Variants in PRUNE1 observed in about 807,000 individuals in gnomAD.
PRUNE1 encodes exopolyphosphatase PRUNE1.
A neutral mutation model predicts 42.5 loss-of-function variants in PRUNE1; 25 were observed. That is an observed-to-expected ratio of 0.59 (90% CI 0.43 to 0.82). The LOEUF (loss-of-function observed/expected upper bound fraction) is 0.82. Ranked by LOEUF, PRUNE1 falls within the 40% of genes least tolerant of loss-of-function variation. The pLI is 0.00. For missense variants in PRUNE1, 443 were observed against 539.3 expected, an observed-to-expected ratio of 0.82 and a Z score of 1.77; for synonymous variants, 203 against 217.1, an observed-to-expected ratio of 0.93 and a Z score of 0.57.
Position 151,034,539 on chromosome 1 carries a change from A to T in PRUNE1, c.*305A>T. ...GTCCCAGCACAGTGGGACAAAAAGA[A>T]TTTAGACCCCAAAAGTGTCCTCGGC... On this transcript the variant is annotated 3_prime_UTR_variant, in exon 8 of 8. Coordinates refer to ENST00000271620, the MANE Select transcript of PRUNE1 (RefSeq NM_021222.3). 3.0e-6 allele frequency: 1 copy of T among 328,840 alleles called. No homozygotes were observed. The highest frequency in any genetic ancestry group is 5.7e-6 in the Non-Finnish European group (1 of 175,348). 20.4% of individuals were successfully genotyped at this position (328,840 alleles called of 1,614,324 possible).
chr1:151,012,606 G>A (rs919085813), intron 1 of PRUNE1, among the ~76,000 whole-genome samples: 5 of 152,136 alleles, frequency 3.3e-5, no homozygotes, highest in African/African-American at 4.8e-5. Context: ...GGGTGTTCAG[G>A]AAGGCTTCAC....
At chr1:151,030,793 G>A (rs1204113550) in intron 7 of PRUNE1, among the ~76,000 whole-genome samples, 1 of 152,142 alleles carries the variant, frequency 6.6e-6, no homozygotes, top group Non-Finnish European at 1.5e-5. Context: ...GCCAAGAACT[G>A]CAGTTTTTAA....
At chr1:151,011,985 G>C (rs1673799243) in intron 1 of PRUNE1, among the ~76,000 whole-genome samples, 1 of 152,150 alleles carries the variant, frequency 6.6e-6, no homozygotes, top group East Asian at 1.9e-4. Context: ...CACCATGTTG[G>C]CCAGGATGGT....
intron 7 of PRUNE1, among the ~76,000 whole-genome samples, 188 bp downstream of exon 7, chr1:151,029,132 G>T (rs1675068478): frequency 7.0e-6 from 1 of 142,030 alleles, no homozygotes; most frequent in African/African-American, 3.0e-5. Context: ...CTCTCTATAT[G>T]AATATCCTTT....
chr1:151,027,393 C>A, intron 6 of PRUNE1, 66 bp downstream of exon 6: 2 of 1,137,964 alleles, frequency 1.8e-6, no homozygotes, highest in Non-Finnish European at 2.6e-6. Context: ...ATGCATGTGG[C>A]CTTGCACCTC....
rs756542737 is a variant in PRUNE1 at position 151,008,672 on chromosome 1, G to T, written c.39+1G>T. 4 of 1,613,974 alleles carry T rather than the reference G, an allele frequency of 2.5e-6. No individual in the cohort carries two copies. Among genetic ancestry groups the T allele is most frequent in the Admixed American group, 3.3e-5 (2 of 59,992 alleles). ...GCAGGGTTGTCGAGCTGCTCTGCAGGTAACGAATCCCTGTCTGTGACTGTA... is the reference window on the plus strand; with the variant it reads ...GCAGGGTTGTCGAGCTGCTCTGCAGTTAACGAATCCCTGTCTGTGACTGTA... On this transcript the variant is annotated splice_donor_variant, in intron 1 of 7. Coordinates refer to ENST00000271620, the MANE Select transcript of PRUNE1 (RefSeq NM_021222.3). LOFTEE classifies it high-confidence loss of function.
chr1:151,021,125 C>T (rs1192702733), intron 3 of PRUNE1, among the ~76,000 whole-genome samples: 3 of 141,552 alleles, frequency 2.1e-5, no homozygotes, highest in East Asian at 2.0e-4. Context: ...CCAGTCTGAG[C>T]GACAGAGTGA....
At chr1:151,023,485 C>T (rs11204760) in intron 3 of PRUNE1, among the ~76,000 whole-genome samples, 74,337 of 150,264 alleles carry the variant, frequency 0.49, 18,224 homozygotes, top group Middle Eastern at 0.64. Context: ...TTTGGGAGGC[C>T]GAGGCGGGCG....
At chr1:151,010,454 C>T (rs1284046292) in intron 1 of PRUNE1, among the ~76,000 whole-genome samples, 1 of 152,068 alleles carries the variant, frequency 6.6e-6, no homozygotes, top group East Asian at 1.9e-4. Context: ...GCTGGCATCT[C>T]GACCTTTCTC....
In PRUNE1 at chr1:151,034,085, C is replaced by A; in HGVS notation, c.1213C>A (p.Pro405Thr). ...ISGLSQDEED[P>T]PLPPTPMNSL... The stretch of plus-strand genomic sequence containing the variant: ...TGGCCTGAGTCAAGATGAGGAGGAC[C>A]CTCCGCTGCCCCCGACGCCCATGAA... Residue 405 changes from proline (P) to threonine (T), a missense_variant, in exon 8 of 8, where the codon CCT becomes ACT. Physicochemically the swap from Pro to Thr is conservative, Grantham distance 38 (BLOSUM62 -1). Transcript: ENST00000271620. 6.2e-7 allele frequency: 1 copy of A among 1,614,154 alleles called. No homozygotes were observed. Among genetic ancestry groups the A allele is most frequent in the Non-Finnish European group, 8.5e-7 (1 of 1,180,038 alleles).
intron 6 of PRUNE1, among the ~76,000 whole-genome samples, 166 bp downstream of exon 6, chr1:151,027,493 C>T (rs960380792): frequency 5.9e-5 from 9 of 152,054 alleles, no homozygotes; most frequent in Admixed American, 6.6e-5. Flanking sequence ...CTCACTGCAC[C>T]GCTGTATTAG....
intron 6 of PRUNE1, among the ~76,000 whole-genome samples, chr1:151,027,779 T>TGTGTGTGC: frequency 6.8e-6 from 1 of 147,734 alleles, no homozygotes; most frequent in South Asian, 2.2e-4. Flanking sequence ...TGTGTGTGTG[T>TGTGTGTGC]GTGCGCGCGC....
chr1:151,008,488 C>T lies in PRUNE1; in HGVS notation c.-145C>T, dbSNP rs968619373. On this transcript the variant is annotated 5_prime_UTR_variant, in exon 1 of 8. Transcript: ENST00000271620. Reference sequence around the variant, plus strand: ...TTCCTCCCGGGGTCGGAGGCCGATTCGCCGTGTGGCGGGTTCGAGTCCCGC... The same window carrying T: ...TTCCTCCCGGGGTCGGAGGCCGATTTGCCGTGTGGCGGGTTCGAGTCCCGC... 6 of 1,222,648 alleles carry T rather than the reference C, an allele frequency of 4.9e-6. No homozygotes were observed. The African/African-American group carries it at 7.5e-5, about 15-fold the overall frequency. 75.7% of individuals were successfully genotyped at this position (1,222,648 alleles called of 1,614,324 possible). A position where few individuals can be genotyped will look rare whatever the true frequency, so the allele number is the denominator to read the frequency against.
intron 3 of PRUNE1, chr1:151,022,873 G>A (rs924282657): frequency 6.6e-6 from 1 of 152,200 alleles, no homozygotes; most frequent in Non-Finnish European, 1.5e-5. Flanking sequence ...CTTGAAAGAG[G>A]ACTAGGTGTT....
At chr1:151,027,747 AGTGTGTGT>A (rs3034003) in intron 6 of PRUNE1, among the ~76,000 whole-genome samples, 5,948 of 130,926 alleles carry the variant, frequency 0.045, 401 homozygotes, top group African/African-American at 0.15. Flanking sequence ...ACACCTAACT[AGTGTGTGT>A]GTGTGTGTGT....
chr1:151,031,397 G>C (rs1441228072), intron 7 of PRUNE1, among the ~76,000 whole-genome samples: 1 of 151,858 alleles, frequency 6.6e-6, no homozygotes, highest in Admixed American at 6.6e-5. Flanking sequence ...ATGTTGCCCA[G>C]GCTGGTCTCG....
At chr1:151,010,237 C>T (rs1673685254) in intron 1 of PRUNE1, among the ~76,000 whole-genome samples, 1 of 152,056 alleles carries the variant, frequency 6.6e-6, no homozygotes, top group African/African-American at 2.4e-5. Flanking sequence ...GGCAGTGCCA[C>T]CACGCAGGGC....
chr1:151,029,195 T>TC (rs1385350121), intron 7 of PRUNE1, among the ~76,000 whole-genome samples: 3 of 151,522 alleles, frequency 2.0e-5, no homozygotes, highest in Non-Finnish European at 4.4e-5. Context: ...AAGGGGGAAT[T>TC]CCAAAGAGAA....
intron 1 of PRUNE1, among the ~76,000 whole-genome samples, chr1:151,013,313 C>T (rs1673896109): frequency 6.6e-6 from 1 of 152,172 alleles, no homozygotes; most frequent in Admixed American, 6.5e-5. Context: ...TGCTGCCTCC[C>T]TTGGTCACTC....
Sources: gnomAD v4.1 joint callset for allele counts (sites outside exome capture counted in the v4.1 genomes callset) on GRCh38, gnomAD v4.1.1 for gene constraint, MANE v1.5 for transcripts, NCBI Gene and HGNC (gene_info 2026-07-23, HGNC 2026-07-21) for gene names.